Variants in CFAP20DC observed in about 807,000 individuals in gnomAD.
CFAP20DC encodes CFAP20 domain containing, also known as protein CFAP20DC.
A neutral mutation model predicts 101.7 loss-of-function variants in CFAP20DC; 84 were observed. The observed-to-expected ratio is 0.83, with a 90% CI of 0.69 to 0.99. The LOEUF is 0.99. Among genes scored for constraint, CFAP20DC ranks in the 50% least tolerant of loss-of-function variants. CFAP20DC has a pLI of 0.00. For synonymous variants in CFAP20DC, 359 were observed against 351.2 expected (o/e 1.02, Z -0.25); for missense variants, 1,007 against 970.3 (o/e 1.04, Z -0.50).
chr3:58,787,465 T>G (rs1043230868), intron 15 of CFAP20DC, among the ~76,000 whole-genome samples: 1 of 151,902 alleles, frequency 6.6e-6, no homozygotes, highest in African/African-American at 2.4e-5. Flanking sequence ...AATGTGCACA[T>G]GTACCCTAAA....
At chr3:58,916,367 T>C (rs1035016077) in intron 5 of CFAP20DC, among the ~76,000 whole-genome samples, 2 of 152,234 alleles carry the variant, frequency 1.3e-5, no homozygotes, top group Admixed American at 6.5e-5. Context: ...TCCAACCTCC[T>C]TCAAAAACTC....
At chr3:58,842,978 A>C (rs1320230049) in intron 13 of CFAP20DC, among the ~76,000 whole-genome samples, 1 of 152,236 alleles carries the variant, frequency 6.6e-6, no homozygotes, top group African/African-American at 2.4e-5. Flanking sequence ...AAAACTAACA[A>C]ACAGAAAGGA....
At chr3:58,801,631 A>C (rs1342359049) in intron 15 of CFAP20DC, among the ~76,000 whole-genome samples, 4 of 152,100 alleles carry the variant, frequency 2.6e-5, no homozygotes, top group South Asian at 2.1e-4. Context: ...GAGGAAAAAA[A>C]AAAACAAAAC....
intron 4 of CFAP20DC, among the ~76,000 whole-genome samples, chr3:58,942,832 T>C (rs1203931331): frequency 6.6e-6 from 1 of 152,174 alleles, no homozygotes. Context: ...TGATTTGAAA[T>C]TCTCACTGAG....
intron 3 of CFAP20DC, chr3:58,727,006 C>T (rs942917109): frequency 3.4e-5 from 9 of 261,826 alleles, no homozygotes; most frequent in Admixed American, 1.7e-4. Context: ...ATGAGAATGA[C>T]CCATCACTTC....
intron 6 of CFAP20DC, among the ~76,000 whole-genome samples, chr3:58,890,668 C>G (rs1450892731): frequency 7.0e-6 from 1 of 143,112 alleles, no homozygotes; most frequent in Non-Finnish European, 1.5e-5. Context: ...TCTTTTCAGA[C>G]GGGGTGGTTG....
At position 58,863,370 on chromosome 3, in the gene CFAP20DC, T is replaced by TAAAA; in HGVS notation, c.1593+184_1593+187dup. The TAAAA allele has an allele frequency of 8.7e-7, 1 of 1,147,290 alleles. No homozygotes were observed. Among genetic ancestry groups the TAAAA allele is most frequent in the African/African-American group, 1.6e-5 (1 of 61,024 alleles). The allele number at this position is 1,147,290 out of a possible 1,614,324, so 71.1% of individuals were successfully genotyped here. A position where few individuals can be genotyped will look rare whatever the true frequency, so the allele number is the denominator to read the frequency against. ...AAAGTGAAATTGGCTGACTGTTAAT[T>TAAAA]AAAAAAAAAAAAAGACAGTTTAAAG... is the stretch of plus-strand genomic sequence containing the variant. On this transcript the variant is annotated intron_variant, in intron 12 of 16. Transcript: ENST00000482387. This position sits in a 1 kb window ranked among gnomAD's most constrained non-coding sequence, Gnocchi z 5.9.
Position 59,002,323 on chromosome 3 carries a change from A to C in CFAP20DC, c.278+37234T>G, listed in dbSNP as rs2093334717. ...GATACATGATCCCACCTTAAGGGAC[A>C]TATCTCCAATTTCTAAACAAAAATC... On this transcript the variant is annotated intron_variant, in intron 4 of 16. Transcript: ENST00000482387. This position sits in a 1 kb window ranked among gnomAD's most constrained non-coding sequence, Gnocchi z 4.5. Among the ~76,000 whole-genome samples the C allele has an allele frequency of 6.6e-6, 1 of 152,252 alleles. No homozygotes were observed. The highest frequency in any genetic ancestry group is 2.1e-4 in the South Asian group (1 of 4,832).
intron 7 of CFAP20DC, among the ~76,000 whole-genome samples, chr3:58,872,655 A>C (rs2080332636): frequency 6.6e-6 from 1 of 152,186 alleles, no homozygotes; most frequent in Admixed American, 6.5e-5. Flanking sequence ...CCTATTAGGT[A>C]GGAGAGAAAT....
At chr3:58,753,108 C>A (rs770847423) in intron 16 of CFAP20DC, among the ~76,000 whole-genome samples, 2 of 152,184 alleles carry the variant, frequency 1.3e-5, no homozygotes, top group Non-Finnish European at 1.5e-5. Context: ...CTGCTCACAA[C>A]CAGAAACTAA....
chr3:58,967,337 C>A (rs777405083), intron 4 of CFAP20DC, among the ~76,000 whole-genome samples: 18 of 152,124 alleles, frequency 1.2e-4, no homozygotes, highest in Non-Finnish European at 1.9e-4. Flanking sequence ...ATTTGATCCC[C>A]ATCTCACATC....
chr3:58,941,576 C>CTT (rs1009423046), intron 4 of CFAP20DC, among the ~76,000 whole-genome samples: 2 of 147,224 alleles, frequency 1.4e-5, no homozygotes, highest in Admixed American at 6.8e-5. Context: ...ATTTCTTTTT[C>CTT]TTTTTTTTTT....
chr3:58,818,129 T>A (rs1199126377), intron 14 of CFAP20DC, among the ~76,000 whole-genome samples: 1 of 148,710 alleles, frequency 6.7e-6, no homozygotes, highest in African/African-American at 2.5e-5. Context: ...CTAAAAGAGC[T>A]CCTGAAGGAA....
chr3:58,736,067 GAA>G (rs2067747584), intron 3 of CFAP20DC, among the ~76,000 whole-genome samples: 1 of 152,066 alleles, frequency 6.6e-6, no homozygotes, highest in Non-Finnish European at 1.5e-5. Context: ...CAGGTGAATT[GAA>G]AAGATATTAT....
intron 4 of CFAP20DC, among the ~76,000 whole-genome samples, chr3:58,965,646 A>C (rs1456087077): frequency 6.6e-6 from 1 of 152,218 alleles, no homozygotes; most frequent in Admixed American, 6.5e-5. Context: ...AAAACTTTTT[A>C]AAATAATTTA....
rs1450666068 is a variant in CFAP20DC at position 58,799,053 on chromosome 3, G to A, written c.2237+7342C>T. 6.6e-6 allele frequency among the ~76,000 whole-genome samples: 1 copy of A among 151,964 alleles called. No individual in the cohort carries two copies. Among genetic ancestry groups the A allele is most frequent in the Non-Finnish European group, 1.5e-5 (1 of 67,990 alleles). On this transcript the variant is annotated intron_variant, in intron 15 of 16. Coordinates refer to ENST00000482387, the MANE Select transcript of CFAP20DC (RefSeq NM_001394063.1). The surrounding 1 kb of genome is among the most constrained non-coding windows in gnomAD (Gnocchi z 4.9). ...TCAACCTACAATATCTCTGAGGTACGCTTGTATGTATATATATAATGTGTA... is the reference window on the plus strand; with the variant it reads ...TCAACCTACAATATCTCTGAGGTACACTTGTATGTATATATATAATGTGTA...
intron 4 of CFAP20DC, among the ~76,000 whole-genome samples, chr3:58,996,231 C>T (rs1444373662): frequency 6.6e-6 from 1 of 152,020 alleles, no homozygotes; most frequent in African/African-American, 2.4e-5. Flanking sequence ...AATAACTGTG[C>T]TTATTTTTAT....
At chr3:59,049,473 C>T in intron 1 of CFAP20DC, 138 bp downstream of exon 1, 1 of 843,414 alleles carries the variant, frequency 1.2e-6, no homozygotes, top group African/African-American at 1.7e-5. Context: ...CAACAGCATT[C>T]ACCCATTAAT....
At chr3:58,751,899 A>T (rs987122285) in intron 16 of CFAP20DC, among the ~76,000 whole-genome samples, 3 of 150,710 alleles carry the variant, frequency 2.0e-5, no homozygotes, top group African/African-American at 7.5e-5. Flanking sequence ...GTGAGGGCTA[A>T]ATGTAATGAC....
Sources: allele counts gnomAD v4.1 joint callset (sites outside exome capture counted in the v4.1 genomes callset), GRCh38; gene constraint gnomAD v4.1.1; non-coding constraint Gnocchi (gnomAD v3.1); transcripts MANE v1.5; gene names NCBI Gene and HGNC (gene_info 2026-07-23, HGNC 2026-07-21).